Variants in PIWIL2 observed in about 807,000 individuals in gnomAD.
PIWIL2 encodes the protein piwi-like protein 2.
A neutral mutation model predicts 116.5 loss-of-function variants in PIWIL2; 81 were observed. The observed-to-expected ratio is 0.70, with a 90% CI of 0.58 to 0.84. The LOEUF is 0.84. Among genes scored for constraint, PIWIL2 ranks in the 40% least tolerant of loss-of-function variants. The probability of loss-of-function intolerance (pLI) is 0.00; values close to 1 mark genes in which losing one functional copy is unlikely to be tolerated. For missense variants in PIWIL2, 1,272 were observed against 1,212.3 expected, an observed-to-expected ratio of 1.05 and a Z score of -0.73; for synonymous variants, 489 against 429.5, an observed-to-expected ratio of 1.14 and a Z score of -1.71.
At chr8:22,296,695 AC>A (rs2132015969) in intron 10 of PIWIL2, among the ~76,000 whole-genome samples, 1 of 152,184 alleles carries the variant, frequency 6.6e-6, no homozygotes, top group East Asian at 1.9e-4. Context: ...GTCTCTCCTC[AC>A]CCTGTCCTGC....
intron 20 of PIWIL2, among the ~76,000 whole-genome samples, chr8:22,322,593 C>A (rs1000212777): frequency 6.6e-6 from 1 of 151,144 alleles, no homozygotes; most frequent in African/African-American, 2.4e-5. Context: ...CCCGTCCCGT[C>A]CTGTCCCGTC....
intron 20 of PIWIL2, among the ~76,000 whole-genome samples, chr8:22,339,132 C>A (rs928021018): frequency 3.3e-5 from 5 of 152,168 alleles, no homozygotes; most frequent in African/African-American, 1.2e-4. Context: ...TCCACATACA[C>A]AAGAATGACA....
At chr8:22,347,769 C>T (rs527620995) in intron 20 of PIWIL2, among the ~76,000 whole-genome samples, 44 of 148,544 alleles carry the variant, frequency 3.0e-4, no homozygotes, top group East Asian at 1.6e-3. Flanking sequence ...TCAGGTGATC[C>T]GCCCACCTCG....
At position 22,347,319 on chromosome 8, in the gene PIWIL2, A is replaced by G. The variant is rs1212427740; in HGVS notation, c.2404-5640A>G. ...AAGCTCCCCTTCCCGGGCTCACGCCATTCTCCTGCCTCAGCCTCCCGAGTA... is the reference window on the plus strand; with the variant it reads ...AAGCTCCCCTTCCCGGGCTCACGCCGTTCTCCTGCCTCAGCCTCCCGAGTA... On this transcript the variant is annotated intron_variant, in intron 20 of 22. Transcript: ENST00000356766. 4.8e-5 allele frequency among the ~76,000 whole-genome samples: 7 copies of G among 147,368 alleles called. No individual in the cohort carries two copies. In the East Asian group the frequency reaches 1.4e-3, roughly 30 times the overall value.
chr8:22,313,549 T>C (rs945094426), intron 16 of PIWIL2, among the ~76,000 whole-genome samples: 1 of 152,226 alleles, frequency 6.6e-6, no homozygotes, highest in African/African-American at 2.4e-5. Flanking sequence ...TCTCATGCCT[T>C]TGGAAATGCT....
At chr8:22,341,135 A>G (rs1382781099) in intron 20 of PIWIL2, among the ~76,000 whole-genome samples, 3 of 152,244 alleles carry the variant, frequency 2.0e-5, no homozygotes, top group African/African-American at 7.2e-5. Context: ...CAGCAGCCCT[A>G]GGAAACTAGT....
intron 13 of PIWIL2, among the ~76,000 whole-genome samples, chr8:22,307,692 G>T (rs1274963390): frequency 6.6e-6 from 1 of 151,724 alleles, no homozygotes; most frequent in Admixed American, 6.6e-5. Context: ...TGCCCATGTT[G>T]CCCATGTTGG....
intron 16 of PIWIL2, among the ~76,000 whole-genome samples, chr8:22,312,507 C>T (rs1052050809): frequency 2.0e-5 from 3 of 152,054 alleles, no homozygotes; most frequent in Non-Finnish European, 4.4e-5. Flanking sequence ...CCCAAGTGAT[C>T]CTGCTGCCTC....
intron 20 of PIWIL2, among the ~76,000 whole-genome samples, chr8:22,329,154 A>C (rs1335548322): frequency 6.6e-6 from 1 of 152,106 alleles, no homozygotes; most frequent in Non-Finnish European, 1.5e-5. Context: ...TAATTTGCTG[A>C]GTATTTTTAT....
chr8:22,350,341 A>T (rs1832326260), intron 20 of PIWIL2, among the ~76,000 whole-genome samples: 1 of 152,206 alleles, frequency 6.6e-6, no homozygotes, highest in Non-Finnish European at 1.5e-5. Context: ...CACACCTGTG[A>T]TCTCAGCACT....
chr8:22,352,912 G>C, intron 20 of PIWIL2, 47 bp from the exon 21 acceptor site: 1 of 1,572,918 alleles, frequency 6.4e-7, no homozygotes, highest in East Asian at 2.2e-5. Flanking sequence ...ACTGTGGTCC[G>C]TAGCCTGAGG....
At position 22,283,194 on chromosome 8, in the gene PIWIL2, C is replaced by T. The variant is rs1225963689; in HGVS notation, c.586C>T (p.His196Tyr). 1.2e-6 allele frequency: 2 copies of T among 1,613,962 alleles called. No individual in the cohort carries two copies. Among genetic ancestry groups the T allele is most frequent in the African/African-American group, 2.7e-5 (2 of 74,928 alleles). Residue 196 changes from histidine (H) to tyrosine (Y), a missense_variant, in exon 5 of 23, where the codon CAC becomes TAC. By Grantham distance (83) the His-to-Tyr change is moderately conservative (BLOSUM62 2). Coordinates refer to ENST00000356766, the MANE Select transcript of PIWIL2 (RefSeq NM_018068.5). ...SPPALPQSPL[H>Y]SPDRPLVLTV... is the part of the protein sequence containing the mutation. ...ACCAGCTCTGCCCCAGTCTCCCCTG[C>T]ACTCTCCAGATCGCCCTCTGGTCCT...
intron 1 of PIWIL2, among the ~76,000 whole-genome samples, chr8:22,278,177 A>G (rs4871991): frequency 0.12 from 17,942 of 150,690 alleles, 1,209 homozygotes; most frequent in South Asian, 0.22. Context: ...TAAAAAAAAA[A>G]GGGGGGGAGG....
At chr8:22,304,743 T>A in intron 11 of PIWIL2, 41 bp from the exon 12 acceptor site, 1 of 1,150,028 alleles carries the variant, frequency 8.7e-7, no homozygotes, top group Non-Finnish European at 1.3e-6. Context: ...AGAGTATTGA[T>A]GCTGCTTCTG....
intron 18 of PIWIL2, 46 bp downstream of exon 18, chr8:22,315,191 C>G: frequency 9.7e-7 from 1 of 1,033,610 alleles, no homozygotes. Context: ...AGAGAATCCT[C>G]CAAGCTGTTT....
intron 20 of PIWIL2, among the ~76,000 whole-genome samples, chr8:22,325,098 C>G (rs1188228680): frequency 3.3e-5 from 5 of 152,000 alleles, no homozygotes; most frequent in Non-Finnish European, 7.4e-5. Flanking sequence ...AATACTACAT[C>G]AGGTAGGAAA....
chr8:22,330,662 A>G (rs1198991691), intron 20 of PIWIL2, among the ~76,000 whole-genome samples: 2 of 151,564 alleles, frequency 1.3e-5, no homozygotes, highest in East Asian at 3.9e-4. Flanking sequence ...ATGCCACTGC[A>G]CTCCAGCCTG....
intron 7 of PIWIL2, among the ~76,000 whole-genome samples, chr8:22,288,027 G>A (rs554524644): frequency 6.6e-6 from 1 of 152,102 alleles, no homozygotes; most frequent in African/African-American, 2.4e-5. Context: ...GGCCGGGTGC[G>A]GTGGCTCACG....
At chr8:22,347,920 A>G (rs1832266992) in intron 20 of PIWIL2, among the ~76,000 whole-genome samples, 1 of 151,890 alleles carries the variant, frequency 6.6e-6, no homozygotes, top group African/African-American at 2.4e-5. Flanking sequence ...TATCTTTATT[A>G]TGTTATTTAT....
Sources: allele counts gnomAD v4.1 joint callset (sites outside exome capture counted in the v4.1 genomes callset), GRCh38; gene constraint gnomAD v4.1.1; transcripts MANE v1.5; gene names NCBI Gene and HGNC (gene_info 2026-07-23, HGNC 2026-07-21).